DIAPH3: variants seen among roughly 807,000 people sequenced by gnomAD.
DIAPH3 encodes the protein diaphanous related formin 3.
In DIAPH3, 117 loss-of-function variants were observed where a neutral mutation model predicts 144.3. That is an observed-to-expected ratio of 0.81 (90% CI 0.70 to 0.95). DIAPH3 has a LOEUF of 0.95. Ranked by LOEUF, DIAPH3 falls within the 40% of genes least tolerant of loss-of-function variation. The pLI is 0.00. For synonymous variants in DIAPH3, 519 were observed against 488.9 expected (o/e 1.06, Z -0.81); for missense variants, 1,421 against 1,412.7 (o/e 1.01, Z -0.09).
intron 4 of DIAPH3, among the ~76,000 whole-genome samples, chr13:60,092,544 CG>C (rs1566762162): frequency 2.0e-5 from 3 of 151,930 alleles, no homozygotes; most frequent in Non-Finnish European, 2.9e-5. Flanking sequence ...CCAGCTACTC[CG>C]GAGGCTGAGA....
chr13:59,879,845 G>A (rs904619055), intron 20 of DIAPH3, among the ~76,000 whole-genome samples: 3 of 152,098 alleles, frequency 2.0e-5, no homozygotes, highest in African/African-American at 7.2e-5. Context: ...GCAATATACT[G>A]GGTCATGTTT....
At chr13:59,855,751 C>T (rs1004234561) in intron 22 of DIAPH3, among the ~76,000 whole-genome samples, 8 of 150,614 alleles carry the variant, frequency 5.3e-5, no homozygotes, top group African/African-American at 1.7e-4. Context: ...AAAAAAGTAA[C>T]ATCATCCACC....
intron 27 of DIAPH3, among the ~76,000 whole-genome samples, chr13:59,773,385 T>C (rs1000858895): frequency 6.6e-6 from 1 of 152,180 alleles, no homozygotes; most frequent in African/African-American, 2.4e-5. Context: ...AGAACTTAAG[T>C]CATCTGCACC....
chr13:59,912,468 C>T (rs1177417298), intron 19 of DIAPH3, among the ~76,000 whole-genome samples: 2 of 152,042 alleles, frequency 1.3e-5, no homozygotes, highest in Non-Finnish European at 2.9e-5. Flanking sequence ...ATGTAGAGGT[C>T]CTTTAGAAAC....
chr13:60,096,119 GA>G (rs1425974072), intron 3 of DIAPH3, among the ~76,000 whole-genome samples: 1 of 152,144 alleles, frequency 6.6e-6, no homozygotes, highest in Non-Finnish European at 1.5e-5. Context: ...TATCCACAAA[GA>G]ATTTCACTGG....
At chr13:60,124,019 C>G (rs368903766) in intron 2 of DIAPH3, among the ~76,000 whole-genome samples, 24 of 152,138 alleles carry the variant, frequency 1.6e-4, no homozygotes, top group African/African-American at 5.1e-4. Flanking sequence ...TAGCATATAT[C>G]CCACAAGACA....
intron 12 of DIAPH3, 71 bp from the exon 13 acceptor site, chr13:59,983,958 G>T (rs981285264): frequency 1.0e-6 from 1 of 968,424 alleles, no homozygotes. Flanking sequence ...AAAACTTTTT[G>T]GCTAAGATTG....
At chr13:59,810,632 G>C (rs1277761115) in intron 25 of DIAPH3, among the ~76,000 whole-genome samples, 156 bp downstream of exon 25, 2 of 152,188 alleles carry the variant, frequency 1.3e-5, no homozygotes, top group African/African-American at 4.8e-5. Flanking sequence ...AAATGGAAGG[G>C]AAAGAAGACC....
At chr13:59,932,058 G>T (rs1013561332) in intron 17 of DIAPH3, among the ~76,000 whole-genome samples, 1 of 152,112 alleles carries the variant, frequency 6.6e-6, no homozygotes, top group Non-Finnish European at 1.5e-5. Flanking sequence ...AAAATTTTCA[G>T]ATGAAGGCTA....
chr13:59,911,540 T>G (rs1030621389), intron 20 of DIAPH3, among the ~76,000 whole-genome samples, 195 bp downstream of exon 20: 1 of 152,218 alleles, frequency 6.6e-6, no homozygotes, highest in Non-Finnish European at 1.5e-5. Flanking sequence ...TGGACTTCAC[T>G]TAATGCCAGA....
intron 27 of DIAPH3, among the ~76,000 whole-genome samples, chr13:59,688,908 TA>T (rs2033358789): frequency 6.6e-6 from 1 of 152,126 alleles, no homozygotes; most frequent in African/African-American, 2.4e-5. Context: ...TAACATGGGT[TA>T]ACTAATACTA....
intron 27 of DIAPH3, among the ~76,000 whole-genome samples, chr13:59,749,984 G>A (rs1019653554): frequency 6.6e-6 from 1 of 152,102 alleles, no homozygotes; most frequent in African/African-American, 2.4e-5. Context: ...TTCTTTCAAG[G>A]AAAACAAAAT....
At chr13:60,024,784 C>A (rs1392134701) in intron 5 of DIAPH3, among the ~76,000 whole-genome samples, 1 of 152,104 alleles carries the variant, frequency 6.6e-6, no homozygotes, top group African/African-American at 2.4e-5. Context: ...GAGAAAGCAC[C>A]ACCTCATTAC....
chr13:59,835,321 A>G (rs2139739050), intron 23 of DIAPH3, among the ~76,000 whole-genome samples: 1 of 151,744 alleles, frequency 6.6e-6, no homozygotes, highest in East Asian at 1.9e-4. Flanking sequence ...GACAGATAAT[A>G]AACAAATGAA....
intron 4 of DIAPH3, among the ~76,000 whole-genome samples, chr13:60,088,716 G>GGTTCAAGCGATTCTCCTGC (rs1224503489): frequency 6.6e-6 from 1 of 152,098 alleles, no homozygotes. Flanking sequence ...CCACCTCCTG[G>GGTTCAAGCGATTCTCCTGC]GTTCAAGCGA....
At chr13:59,996,827 G>A (rs911560245) in intron 9 of DIAPH3, among the ~76,000 whole-genome samples, 2 of 151,968 alleles carry the variant, frequency 1.3e-5, no homozygotes, top group Admixed American at 6.6e-5. Context: ...CAAGATAGAG[G>A]AACATGCCAC....
intron 27 of DIAPH3, among the ~76,000 whole-genome samples, chr13:59,702,791 T>C (rs1338810371): frequency 6.6e-6 from 1 of 152,132 alleles, no homozygotes; most frequent in Non-Finnish European, 1.5e-5. Context: ...TGACCTAATC[T>C]CCTAGTTAAT....
chr13:59,908,369 C>CTCA (rs1555331323), intron 20 of DIAPH3, among the ~76,000 whole-genome samples: 15 of 41,176 alleles, frequency 3.6e-4, no homozygotes, highest in Admixed American at 1.1e-3. Context: ...GACTCTGTCT[C>CTCA]AAAAAAAAAA....
At chr13:59,832,917 A>C (rs1305551324) in intron 24 of DIAPH3, 190 bp downstream of exon 24, 1 of 575,946 alleles carries the variant, frequency 1.7e-6, no homozygotes, top group Admixed American at 2.8e-5. Flanking sequence ...ATTACAGCTT[A>C]ATGTTGGAAA....
Sources: gnomAD v4.1 joint callset for allele counts (sites outside exome capture counted in the v4.1 genomes callset) on GRCh38, gnomAD v4.1.1 for gene constraint, MANE v1.5 for transcripts, NCBI Gene and HGNC (gene_info 2026-07-23, HGNC 2026-07-21) for gene names.